Variants in AP2A2 observed in about 807,000 individuals in gnomAD.
The protein encoded by AP2A2 is AP-2 complex subunit alpha-2.
Under a neutral mutation model 104.2 loss-of-function variants are expected in AP2A2, and 32 were observed. The ratio of observed to expected loss-of-function variants is 0.31; its 90% confidence interval spans 0.23 to 0.41. The LOEUF (loss-of-function observed/expected upper bound fraction) is 0.41, where lower values mean the gene tolerates loss of function less well. Among genes scored for constraint, AP2A2 ranks in the 10% least tolerant of loss-of-function variants. AP2A2 has a pLI of 1.00. For synonymous variants in AP2A2, 539 were observed against 533.3 expected (o/e 1.01, Z -0.15); for missense variants, 912 against 1,261.0 (o/e 0.72, Z 4.19).
Position 1,011,800 on chromosome 11 carries a change from C to A in AP2A2, c.*1175C>A. The A allele has an allele frequency of 3.3e-6, 1 of 303,104 alleles. No homozygotes were observed. The highest frequency in any genetic ancestry group is 6.5e-6 in the Non-Finnish European group (1 of 153,874). 18.8% of individuals were successfully genotyped at this position (303,104 alleles called of 1,614,324 possible). A position where few individuals can be genotyped will look rare whatever the true frequency, so the allele number is the denominator to read the frequency against. On this transcript the variant is annotated 3_prime_UTR_variant, in exon 22 of 22. Coordinates refer to ENST00000448903, the MANE Select transcript of AP2A2 (RefSeq NM_012305.4). ...CCCTGGCCCTCAGTTGCCTGCTGTG[C>A]GGGTCCCTGGGGCAGCTGCAGGGGC...
At chr11:939,602 C>T (rs1419346500) in intron 1 of AP2A2, among the ~76,000 whole-genome samples, 1 of 151,852 alleles carries the variant, frequency 6.6e-6, no homozygotes, top group Non-Finnish European at 1.5e-5. Flanking sequence ...CTGCCACACT[C>T]CCGGCTAATT....
At chr11:977,266 A>G (rs1433167068) in intron 5 of AP2A2, 42 bp downstream of exon 5, 6 of 1,539,672 alleles carry the variant, frequency 3.9e-6, no homozygotes, top group Admixed American at 1.9e-5. Context: ...CCCCCAGGTG[A>G]CCTTTGGGAT....
At chr11:997,602 A>G (rs1218224390) in intron 14 of AP2A2, among the ~76,000 whole-genome samples, 2 of 152,192 alleles carry the variant, frequency 1.3e-5, no homozygotes, top group Non-Finnish European at 2.9e-5. Flanking sequence ...CTACTTTAGA[A>G]AGCAGTTAAA....
At chr11:928,833 G>C (rs949430002) in intron 1 of AP2A2, among the ~76,000 whole-genome samples, 2 of 152,136 alleles carry the variant, frequency 1.3e-5, no homozygotes, top group African/African-American at 4.8e-5. Context: ...CCTCTCATCA[G>C]CTGCAGCGCC....
At chr11:981,374 A>T in intron 6 of AP2A2, 75 bp downstream of exon 6, 1 of 1,236,970 alleles carries the variant, frequency 8.1e-7, no homozygotes, top group Non-Finnish European at 1.2e-6. Context: ...TTATTTGTAG[A>T]ATGCAAGGTA....
At chr11:939,266 AG>A (rs1443630046) in intron 1 of AP2A2, among the ~76,000 whole-genome samples, 1 of 151,288 alleles carries the variant, frequency 6.6e-6, no homozygotes, top group African/African-American at 2.4e-5. Flanking sequence ...AAAAAAAAAA[AG>A]GTTTAAGAAG....
chr11:974,397 T>C (rs921693082), intron 4 of AP2A2, among the ~76,000 whole-genome samples: 1 of 152,138 alleles, frequency 6.6e-6, no homozygotes, highest in African/African-American at 2.4e-5. Flanking sequence ...CAAAGTAATA[T>C]GCTAAGGCTG....
intron 6 of AP2A2, among the ~76,000 whole-genome samples, chr11:983,017 C>CTTTTTTTTT (rs56742889): frequency 3.6e-5 from 3 of 82,394 alleles, no homozygotes; most frequent in African/African-American, 4.7e-5. Context: ...TTTTCTTTTT[C>CTTTTTTTTT]TTTTTTTTTT....
chr11:986,929 C>G lies in AP2A2; in HGVS notation c.1107C>G (p.Ile369Met), dbSNP rs767320784. 3.1e-6 allele frequency: 5 copies of G among 1,594,686 alleles called. No homozygotes were observed. The highest frequency in any genetic ancestry group is 2.3e-5 in the South Asian group (2 of 87,602). ...EFSHEAVKTH[I>M]ETVINALKTE... ...CCCATGAGGCTGTCAAGACGCACAT[C>G]GAGACGGTCATCAACGCCCTGAAGG... The change falls in exon 9 of 22, where the codon ATC becomes ATG. Residue 369 changes from isoleucine (I) to methionine (M), a missense_variant. Physicochemically the swap from Ile to Met is conservative, Grantham distance 10 (BLOSUM62 1). Transcript: ENST00000448903.
At chr11:971,361 C>A (rs929426394) in intron 3 of AP2A2, among the ~76,000 whole-genome samples, 1 of 152,024 alleles carries the variant, frequency 6.6e-6, no homozygotes, top group African/African-American at 2.4e-5. Context: ...GTGGCCTGGG[C>A]GTGCGAGCGC....
At chr11:952,914 C>T (rs1207750286) in intron 1 of AP2A2, among the ~76,000 whole-genome samples, 2 of 152,188 alleles carry the variant, frequency 1.3e-5, no homozygotes, top group African/African-American at 2.4e-5. Context: ...GAGATCAGTG[C>T]AGTGTCAGTG....
At chr11:1,000,346 T>G in intron 14 of AP2A2, 86 bp from the exon 15 acceptor site, 2 of 1,373,508 alleles carry the variant, frequency 1.5e-6, no homozygotes, top group Non-Finnish European at 2.0e-6. Context: ...GGGGGTGCCA[T>G]GGGGGAGGAC....
rs1348356233 is a variant in AP2A2, at chr11:1,011,871, C to T, written c.*1246C>T. The T allele has an allele frequency of 9.3e-6, 2 of 214,662 alleles. No individual in the cohort carries two copies. Among genetic ancestry groups the T allele is most frequent in the African/African-American group, 4.7e-5 (2 of 42,578 alleles). The allele number at this position is 214,662 out of a possible 1,614,324, so 13.3% of individuals were successfully genotyped here. ...CCACAGCTCCCCTGCAGTGTGTGCA[C>T]CCCACAATGTCTGCGGCTCTTCTTC... On this transcript the variant is annotated 3_prime_UTR_variant, in exon 22 of 22. Transcript: ENST00000448903.
At chr11:995,229 C>T in intron 14 of AP2A2, 16 of 448,752 alleles carry the variant, frequency 3.6e-5, no homozygotes, top group South Asian at 2.0e-4. Flanking sequence ...CCTGTCCTGC[C>T]CTGCTCTTCG....
At chr11:938,224 C>T (rs1304783171) in intron 1 of AP2A2, among the ~76,000 whole-genome samples, 3 of 152,192 alleles carry the variant, frequency 2.0e-5, no homozygotes, top group Non-Finnish European at 4.4e-5. Flanking sequence ...CTTACAGATG[C>T]TGCCTTGGCT....
In AP2A2 at chr11:993,248, T is replaced by G. The variant is rs771570594; in HGVS notation, c.1453-36T>G. 1.3e-6 allele frequency: 2 copies of G among 1,560,144 alleles called. No individual in the cohort carries two copies. The highest frequency in any genetic ancestry group is 8.7e-7 in the Non-Finnish European group (1 of 1,150,638). On this transcript the variant is annotated intron_variant, in intron 11 of 21. Transcript: ENST00000448903. The surrounding 1 kb of genome is among the most constrained non-coding windows in gnomAD (Gnocchi z 8.2). ...CCCGCCTCGCCTTAACTCTGGCACC[T>G]GGCTGCCACCCCGGCTCATTGTTTG...
At chr11:990,296 G>GCTGT (rs1191668251) in intron 10 of AP2A2, among the ~76,000 whole-genome samples, 2 of 152,180 alleles carry the variant, frequency 1.3e-5, no homozygotes, top group African/African-American at 4.8e-5. Flanking sequence ...GTAGGGCAGG[G>GCTGT]CTGTCTGTAG....
At chr11:969,139 A>C (rs1004711939) in intron 2 of AP2A2, among the ~76,000 whole-genome samples, 1 of 149,808 alleles carries the variant, frequency 6.7e-6, no homozygotes, top group Non-Finnish European at 1.5e-5. Context: ...GCTCGCCTCC[A>C]CAGCCTGCTG....
intron 1 of AP2A2, among the ~76,000 whole-genome samples, chr11:955,048 G>A (rs1219088751): frequency 6.6e-6 from 1 of 152,208 alleles, no homozygotes; most frequent in Non-Finnish European, 1.5e-5. Context: ...GACAACATAA[G>A]TTCCCCCTCA....
Sources: allele counts gnomAD v4.1 joint callset (sites outside exome capture counted in the v4.1 genomes callset), GRCh38; gene constraint gnomAD v4.1.1; non-coding constraint Gnocchi (gnomAD v3.1); transcripts MANE v1.5; gene names NCBI Gene and HGNC (gene_info 2026-07-23, HGNC 2026-07-21).